NR2F1-AS1: variants seen among roughly 807,000 people sequenced by gnomAD.
NR2F1-AS1 encodes NR2F1 antisense RNA 1.
At chr5:93,469,502 T>C (rs150083990) in intron 4 of NR2F1-AS1, among the ~76,000 whole-genome samples, 155 of 152,178 alleles carry the variant, frequency 1.0e-3, no homozygotes, top group African/African-American at 3.6e-3. Flanking sequence ...AACCCGGTCA[T>C]AGGAAAAACC....
chr5:93,505,213 G>A (rs989448343), intron 4 of NR2F1-AS1, among the ~76,000 whole-genome samples: 1 of 152,174 alleles, frequency 6.6e-6, no homozygotes, highest in Non-Finnish European at 1.5e-5. Context: ...CTCACATTCA[G>A]GTCATGCTGA....
chr5:93,562,327 G>A (rs952303635), intron 2 of NR2F1-AS1, among the ~76,000 whole-genome samples: 1 of 151,904 alleles, frequency 6.6e-6, no homozygotes, highest in Non-Finnish European at 1.5e-5. Context: ...CTATCTCCCA[G>A]GCTTCCTAGG....
At chr5:93,574,244 C>G (rs561002428) in intron 1 of NR2F1-AS1, among the ~76,000 whole-genome samples, 1 of 152,178 alleles carries the variant, frequency 6.6e-6, no homozygotes, top group Non-Finnish European at 1.5e-5. Flanking sequence ...TGGGATGGCC[C>G]CCGGGGGAGG....
At position 93,546,333 on chromosome 5, in the gene NR2F1-AS1, T is replaced by G. The variant is rs142663178; in HGVS notation, n.638+7428A>C. On this transcript the variant is annotated intron_variant and non_coding_transcript_variant, in intron 4 of 5. Coordinates refer to ENST00000660523, the Ensembl canonical transcript of NR2F1-AS1. ...CTCAATGAACTCAAATATCAAAATTTTCCAAAACTCTTCTCAAAAATTTCT... is the reference window on the plus strand; with the variant it reads ...CTCAATGAACTCAAATATCAAAATTGTCCAAAACTCTTCTCAAAAATTTCT... Among the ~76,000 whole-genome samples the G allele has an allele frequency of 1.6e-3, 238 of 152,194 alleles. 1 individual carries two copies. Among genetic ancestry groups the G allele is most frequent in the African/African-American group, 5.3e-3 (222 of 41,528 alleles).
intron 4 of NR2F1-AS1, among the ~76,000 whole-genome samples, chr5:93,540,958 A>T (rs578176247): frequency 6.6e-6 from 1 of 152,230 alleles, no homozygotes; most frequent in African/African-American, 2.4e-5. Context: ...CTTTTTACTT[A>T]TAACAGTTTA....
At chr5:93,420,943 A>T (rs1343341853) in intron 4 of NR2F1-AS1, among the ~76,000 whole-genome samples, 2 of 152,318 alleles carry the variant, frequency 1.3e-5, no homozygotes, top group East Asian at 3.9e-4. Context: ...TATTTCTAAG[A>T]CTGCTTAGAT....
At chr5:93,473,368 T>A (rs1197344960) in intron 4 of NR2F1-AS1, among the ~76,000 whole-genome samples, 5 of 151,910 alleles carry the variant, frequency 3.3e-5, no homozygotes, top group Admixed American at 3.3e-4. Context: ...AATATTTTTA[T>A]CTAAAAATAC....
At chr5:93,477,520 CA>C (rs1212767075) in intron 4 of NR2F1-AS1, among the ~76,000 whole-genome samples, 1 of 152,062 alleles carries the variant, frequency 6.6e-6, no homozygotes, top group East Asian at 1.9e-4. Context: ...TGAAATGTAA[CA>C]ACTTATATAA....
At chr5:93,504,100 A>T (rs1751138231) in intron 4 of NR2F1-AS1, among the ~76,000 whole-genome samples, 2 of 152,144 alleles carry the variant, frequency 1.3e-5, no homozygotes, top group South Asian at 2.1e-4. Context: ...TTTAATTCTA[A>T]TTTTTTGTTT....
chr5:93,557,498 T>C (rs1752386203), intron 2 of NR2F1-AS1, among the ~76,000 whole-genome samples: 1 of 152,208 alleles, frequency 6.6e-6, no homozygotes, highest in Non-Finnish European at 1.5e-5. Flanking sequence ...GTCTACACTA[T>C]AATGAAGTCT....
chr5:93,510,372 T>C (rs1467012054), intron 4 of NR2F1-AS1, among the ~76,000 whole-genome samples: 1 of 152,164 alleles, frequency 6.6e-6, no homozygotes. Context: ...CATTCCTTTG[T>C]ATCAAAGTGT....
At chr5:93,468,056 G>C (rs1750279034) in intron 4 of NR2F1-AS1, among the ~76,000 whole-genome samples, 3 of 152,168 alleles carry the variant, frequency 2.0e-5, no homozygotes, top group Non-Finnish European at 4.4e-5. Flanking sequence ...GTCTATCATT[G>C]ATGGACATTT....
At chr5:93,508,772 T>C (rs761840522) in intron 4 of NR2F1-AS1, among the ~76,000 whole-genome samples, 7 of 151,956 alleles carry the variant, frequency 4.6e-5, no homozygotes, top group Non-Finnish European at 1.0e-4. Flanking sequence ...GAAATGTAAA[T>C]GGACAATAAA....
At chr5:93,460,036 T>G (rs1468086415) in intron 4 of NR2F1-AS1, among the ~76,000 whole-genome samples, 2 of 152,130 alleles carry the variant, frequency 1.3e-5, no homozygotes, top group Non-Finnish European at 1.5e-5. Context: ...ATCACTTCTG[T>G]GGGTCAAATT....
At chr5:93,545,774 G>A (rs1338146467) in intron 4 of NR2F1-AS1, among the ~76,000 whole-genome samples, 1 of 152,146 alleles carries the variant, frequency 6.6e-6, no homozygotes, top group African/African-American at 2.4e-5. Context: ...CTTAACCTCA[G>A]TTGTTAAACA....
intron 4 of NR2F1-AS1, among the ~76,000 whole-genome samples, chr5:93,494,989 G>A (rs1007728884): frequency 2.0e-5 from 3 of 152,000 alleles, no homozygotes; most frequent in African/African-American, 7.2e-5. Context: ...TCCAGAATAA[G>A]CAAATCCATA....
chr5:93,438,514 A>C (rs1018992804), intron 4 of NR2F1-AS1, among the ~76,000 whole-genome samples: 2 of 152,062 alleles, frequency 1.3e-5, no homozygotes, highest in African/African-American at 4.8e-5. Context: ...CTCCATCCCC[A>C]CTACTTTAAC....
intron 4 of NR2F1-AS1, among the ~76,000 whole-genome samples, chr5:93,550,115 TAA>T (rs547588031): frequency 7.0e-6 from 1 of 141,886 alleles, no homozygotes; most frequent in Admixed American, 7.0e-5. Flanking sequence ...AAAGTATAAT[TAA>T]AAAAAAAAAA....
chr5:93,560,461 G>C (rs1282009285), intron 2 of NR2F1-AS1, among the ~76,000 whole-genome samples: 1 of 152,198 alleles, frequency 6.6e-6, no homozygotes, highest in Non-Finnish European at 1.5e-5. Flanking sequence ...TTTTGGCTTT[G>C]TCGTTGACAT....
Sources: gnomAD v4.1 joint callset for allele counts (sites outside exome capture counted in the v4.1 genomes callset) on GRCh38, gnomAD v4.1.1 for gene constraint, MANE v1.5 for transcripts, NCBI Gene and HGNC (gene_info 2026-07-23, HGNC 2026-07-21) for gene names.